The following TAMALIN variants were observed in gnomAD, a reference collection of about 807,000 sequenced individuals.
TAMALIN encodes the protein protein TAMALIN.
A neutral mutation model predicts 38.5 loss-of-function variants in TAMALIN; 9 were observed. The ratio of observed to expected loss-of-function variants is 0.23; its 90% confidence interval spans 0.14 to 0.41. The LOEUF is 0.41. Among genes scored for constraint, TAMALIN ranks in the 10% least tolerant of loss-of-function variants. TAMALIN has a pLI of 1.00. For missense variants in TAMALIN, 548 were observed against 554.1 expected, an observed-to-expected ratio of 0.99 and a Z score of 0.11; for synonymous variants, 306 against 256.5, an observed-to-expected ratio of 1.19 and a Z score of -1.85.
In TAMALIN at chr12:52,011,215, ATC is replaced by A; in HGVS notation, c.454+79_454+80del. ...TACTCCCAAGCAAAGGGGGTGAGCA[ATC>A]TCTCCTGAAATCAATTCCTCTTCCT... On this transcript the variant is annotated intron_variant, in intron 4 of 7. Transcript: ENST00000293662. The surrounding 1 kb of genome is among the most constrained non-coding windows in gnomAD (Gnocchi z 5.3). The A allele has an allele frequency of 1.3e-6, 2 of 1,598,168 alleles. No homozygotes were observed. The highest frequency in any genetic ancestry group is 1.7e-6 in the Non-Finnish European group (2 of 1,178,194).
chr12:52,007,771 A>G lies in TAMALIN; in HGVS notation c.246+506A>G, dbSNP rs555469436. 3.5e-4 allele frequency: 343 copies of G among 985,400 alleles called. No homozygotes were observed. In the African/African-American group the frequency reaches 5.6e-3, roughly 16 times the overall value. The allele number at this position is 985,400 out of a possible 1,614,324, so 61.0% of individuals were successfully genotyped here. ...CACACCCTTCCGAGGGGACTCCCCG[A>G]TTCCTGGGCTGGGGGCCTGCCGCCT... On this transcript the variant is annotated intron_variant, in intron 1 of 7. Coordinates refer to ENST00000293662, the MANE Select transcript of TAMALIN (RefSeq NM_181711.4). This position sits in a 1 kb window ranked among gnomAD's most constrained non-coding sequence, Gnocchi z 6.7.
rs1942422844 is a variant in TAMALIN, at chr12:52,007,048, A to C, written c.29A>C (p.Gln10Pro). ...ACCCTCCGCCGACTCAGGAAGCTGC[A>C]GCAGAAGGAGGAGGCGGCGGCCACC... MTLRRLRKLQQKEEAAATPD... is the reference protein window; with the variant it reads MTLRRLRKLPQKEEAAATPD... Residue 10 changes from glutamine to proline, a missense_variant, in exon 1 of 8, where the codon CAG (glutamine) becomes CCG (proline). This residue lies in a region of TAMALIN where 128 missense variants were observed against 117.9 expected (regional missense o/e 1.09). Transcript: ENST00000293662. The surrounding 1 kb of genome is among the most constrained non-coding windows in gnomAD (Gnocchi z 6.7). 1 of 1,450,486 alleles carries C rather than the reference A, an allele frequency of 6.9e-7. No homozygotes were observed. Among genetic ancestry groups the C allele is most frequent in the Non-Finnish European group, 9.0e-7 (1 of 1,109,596 alleles). 89.9% of individuals were successfully genotyped at this position (1,450,486 alleles called of 1,614,324 possible).
rs895098101 is a variant in TAMALIN at position 52,007,133 on chromosome 12, C to T, written c.114C>T (p.Thr38=). 6.7e-7 allele frequency: 1 copy of T among 1,486,936 alleles called. No individual in the cohort carries two copies. The highest frequency in any genetic ancestry group is 2.9e-5 in the East Asian group (1 of 34,186). 92.1% of individuals were successfully genotyped at this position (1,486,936 alleles called of 1,614,324 possible). A position where few individuals can be genotyped will look rare whatever the true frequency, so the allele number is the denominator to read the frequency against. ...SEVAPAAPVP[T]PGPPAAAATP... ...TCGCGCCCGCCGCTCCGGTCCCGAC[C>T]CCGGGACCCCCTGCCGCAGCCGCCA... The change falls in exon 1 of 8, where the codon ACC becomes ACT. Residue 38 remains threonine, a synonymous_variant. Transcript: ENST00000293662. The surrounding 1 kb of genome is among the most constrained non-coding windows in gnomAD (Gnocchi z 6.7).
chr12:52,011,164 C>G lies in TAMALIN; in HGVS notation c.454+23C>G, dbSNP rs775823793. ...CAGGTGGGGCCTGAGCCCAGGACAC[C>G]CAGGTCTGGGAAGGGGATATGACCT... On this transcript the variant is annotated intron_variant, in intron 4 of 7. Coordinates refer to ENST00000293662, the MANE Select transcript of TAMALIN (RefSeq NM_181711.4). The surrounding 1 kb of genome is among the most constrained non-coding windows in gnomAD (Gnocchi z 5.3). 4.4e-6 allele frequency: 7 copies of G among 1,608,876 alleles called. No individual in the cohort carries two copies. In the East Asian group the frequency reaches 6.7e-5, roughly 15 times the overall value.
chr12:52,014,628 G>C (rs1218526911), intron 7 of TAMALIN, 66 bp from the exon 8 acceptor site: 1 of 1,279,026 alleles, frequency 7.8e-7, no homozygotes, highest in Non-Finnish European at 1.0e-6. Flanking sequence ...CATGCCCTCC[G>C]ACCCTTTGCA....
rs1250259167 is a variant in TAMALIN at position 52,011,160 on chromosome 12, A to T, written c.454+19A>T. The T allele has an allele frequency of 1.2e-6, 2 of 1,609,720 alleles. No individual in the cohort carries two copies. Among genetic ancestry groups the T allele is most frequent in the Admixed American group, 1.7e-5 (1 of 60,028 alleles). Reference sequence around the variant, plus strand: ...ACACCAGGTGGGGCCTGAGCCCAGGACACCCAGGTCTGGGAAGGGGATATG... The same window carrying T: ...ACACCAGGTGGGGCCTGAGCCCAGGTCACCCAGGTCTGGGAAGGGGATATG... On this transcript the variant is annotated intron_variant, in intron 4 of 7. Transcript: ENST00000293662. This position sits in a 1 kb window ranked among gnomAD's most constrained non-coding sequence, Gnocchi z 5.3.
intron 7 of TAMALIN, 52 bp downstream of exon 7, chr12:52,014,253 AT>A (rs1196553477): frequency 7.0e-7 from 1 of 1,420,998 alleles, no homozygotes; most frequent in African/African-American, 1.4e-5. Context: ...CAGACACCCC[AT>A]CTGCGCTTCC....
At chr12:52,008,985 A>G (rs1437776049) in intron 1 of TAMALIN, among the ~76,000 whole-genome samples, 1 of 152,226 alleles carries the variant, frequency 6.6e-6, no homozygotes, top group Non-Finnish European at 1.5e-5. Context: ...AGTCCCAGGT[A>G]TGAAGGTAAG....
chr12:52,015,044 G>A lies in TAMALIN; in HGVS notation c.1033G>A (p.Gly345Arg), dbSNP rs1429042958. 9 of 1,354,148 alleles carry A rather than the reference G, an allele frequency of 6.6e-6. No homozygotes were observed. The highest frequency in any genetic ancestry group is 8.5e-6 in the Non-Finnish European group (9 of 1,059,926). 83.9% of individuals were successfully genotyped at this position (1,354,148 alleles called of 1,614,324 possible). The change falls in exon 8 of 8, where the codon GGG (glycine) becomes AGG (arginine). Residue 345 changes from glycine (G) to arginine (R), a missense_variant. By Grantham distance (125) the Gly-to-Arg change is moderately radical. Around this residue, in one of 3 missense-constraint regions of TAMALIN, gnomAD observed 415 missense variants for 417.0 expected, o/e 1.00. Coordinates refer to ENST00000293662, the MANE Select transcript of TAMALIN (RefSeq NM_181711.4). ...RCAGPGGGGG[G>R]GAPGALWTEA... is the part of the protein sequence containing the mutation. Reference sequence around the variant, plus strand: ...CGCGGGCCCTGGCGGGGGCGGAGGCGGGGGCGCGCCGGGCGCGCTCTGGAC... The same window carrying A: ...CGCGGGCCCTGGCGGGGGCGGAGGCAGGGGCGCGCCGGGCGCGCTCTGGAC...
At position 52,014,932 on chromosome 12, in the gene TAMALIN, CT is replaced by C; in HGVS notation, c.923del (p.Phe308SerfsTer21). On this transcript the variant is annotated frameshift_variant, in exon 8 of 8. Coordinates refer to ENST00000293662, the MANE Select transcript of TAMALIN (RefSeq NM_181711.4). LOFTEE classifies it high-confidence loss of function. ...LPPPPPPARAFGPGPAETPAV... is the reference protein window; with the variant it reads ...LPPPPPPARAXGPGPAETPAV... ...CGCCCCCGCCGCCCCCGGCCCGCGC[CT>C]TCGGCCCGGGCCCCGCCGAGACCCC... 2 of 1,032,856 alleles carry C rather than the reference CT, an allele frequency of 1.9e-6. No individual in the cohort carries two copies. Among genetic ancestry groups the C allele is most frequent in the Non-Finnish European group, 2.3e-6 (2 of 861,310 alleles). The allele number at this position is 1,032,856 out of a possible 1,614,324, so 64.0% of individuals were successfully genotyped here. A position where few individuals can be genotyped will look rare whatever the true frequency, so the allele number is the denominator to read the frequency against.
chr12:52,011,001 T>A lies in TAMALIN; in HGVS notation c.352-38T>A, dbSNP rs757687784. The A allele has an allele frequency of 1.2e-6, 2 of 1,613,884 alleles. No individual in the cohort carries two copies. Among genetic ancestry groups the A allele is most frequent in the South Asian group, 2.2e-5 (2 of 91,076 alleles). Reference sequence around the variant, plus strand: ...CCAGCCTGAGGGATGAACGGACTTGTCCCAACCCTGGGCTGAGGGTCCCCT... The same window carrying A: ...CCAGCCTGAGGGATGAACGGACTTGACCCAACCCTGGGCTGAGGGTCCCCT... On this transcript the variant is annotated intron_variant, in intron 3 of 7. Coordinates refer to ENST00000293662, the MANE Select transcript of TAMALIN (RefSeq NM_181711.4). The surrounding 1 kb of genome is among the most constrained non-coding windows in gnomAD (Gnocchi z 5.3).
chr12:52,008,351 C>T (rs1942448146), intron 1 of TAMALIN: 1 of 985,152 alleles, frequency 1.0e-6, no homozygotes, highest in South Asian at 4.7e-5. Context: ...TGAGAGACTA[C>T]TTTAGTTTAT....
Position 52,007,065 on chromosome 12 carries a change from G to A in TAMALIN, c.46G>A (p.Ala16Thr), listed in dbSNP as rs1942423254. The A allele has an allele frequency of 1.4e-6, 2 of 1,460,036 alleles. No individual in the cohort carries two copies. The highest frequency in any genetic ancestry group is 1.5e-5 in the African/African-American group (1 of 67,730). The allele number at this position is 1,460,036 out of a possible 1,614,324, so 90.4% of individuals were successfully genotyped here. A position where few individuals can be genotyped will look rare whatever the true frequency, so the allele number is the denominator to read the frequency against. The change falls in exon 1 of 8, where the codon GCG becomes ACG. Residue 16 changes from alanine (A) to threonine (T), a missense_variant. Physicochemically the swap from Ala to Thr is moderately conservative, Grantham distance 58 (BLOSUM62 0). Coordinates refer to ENST00000293662, the MANE Select transcript of TAMALIN (RefSeq NM_181711.4). The surrounding 1 kb of genome is among the most constrained non-coding windows in gnomAD (Gnocchi z 6.7). ...LRKLQQKEEAAATPDPAARTP... is the reference protein window; with the variant it reads ...LRKLQQKEEATATPDPAARTP... Reference sequence around the variant, plus strand: ...GAAGCTGCAGCAGAAGGAGGAGGCGGCGGCCACCCCGGACCCCGCCGCCCG... The same window carrying A: ...GAAGCTGCAGCAGAAGGAGGAGGCGACGGCCACCCCGGACCCCGCCGCCCG...
At chr12:52,008,276 A>G (rs903727759) in intron 1 of TAMALIN, 4 of 985,232 alleles carry the variant, frequency 4.1e-6, no homozygotes, top group Non-Finnish European at 4.8e-6. Context: ...TGGGCTGTGC[A>G]GGCTCCAAAG....
In TAMALIN at chr12:52,011,401, C is replaced by T; in HGVS notation, c.454+260C>T. The stretch of plus-strand genomic sequence containing the variant: ...CAGTGCGGCAAGGGGATTCCCTGGG[C>T]ACACTGCCAGGGCCTAATTAATGGT... On this transcript the variant is annotated intron_variant, in intron 4 of 7. Transcript: ENST00000293662. The surrounding 1 kb of genome is among the most constrained non-coding windows in gnomAD (Gnocchi z 5.3). The T allele has an allele frequency of 3.3e-6, 2 of 612,088 alleles. No homozygotes were observed. The highest frequency in any genetic ancestry group is 3.9e-5 in the South Asian group (2 of 51,448). 37.9% of individuals were successfully genotyped at this position (612,088 alleles called of 1,614,324 possible).
intron 4 of TAMALIN, among the ~76,000 whole-genome samples, chr12:52,012,069 G>A (rs1937664972): frequency 6.6e-6 from 1 of 152,192 alleles, no homozygotes; most frequent in African/African-American, 2.4e-5. Flanking sequence ...CTGACATGAT[G>A]GATGGCATCT....
Position 52,012,118 on chromosome 12 carries a change from C to T in TAMALIN, c.454+977C>T, listed in dbSNP as rs905369025. Among the ~76,000 whole-genome samples the T allele has an allele frequency of 5.3e-5, 8 of 152,146 alleles. No individual in the cohort carries two copies. The East Asian group carries it at 5.8e-4, about 11-fold the overall frequency. ...CCTGCAAGAGTGGTGAGTAGGCACA[C>T]GCAAAAGAGACAAAACATGGGTGAT... On this transcript the variant is annotated intron_variant, in intron 4 of 7. Coordinates refer to ENST00000293662, the MANE Select transcript of TAMALIN (RefSeq NM_181711.4).
In TAMALIN at chr12:52,013,769, C is replaced by T; in HGVS notation, c.537C>T (p.Gly179=). ...TTGTGGACATCATTAAGGCGTCAGG[C>T]AATGTTCTCAGGTATGTCTGGGAGC... ...REIVDIIKAS[G]NVLRLETLYG... The change falls in exon 5 of 8, where the codon GGC becomes GGT. Residue 179 remains glycine (G), a synonymous_variant. Coordinates refer to ENST00000293662, the MANE Select transcript of TAMALIN (RefSeq NM_181711.4). 1 of 1,614,104 alleles carries T rather than the reference C, an allele frequency of 6.2e-7. No individual in the cohort carries two copies. The highest frequency in any genetic ancestry group is 8.5e-7 in the Non-Finnish European group (1 of 1,179,944).
chr12:52,010,040 C>T (rs1942476209), intron 2 of TAMALIN, among the ~76,000 whole-genome samples: 2 of 152,170 alleles, frequency 1.3e-5, no homozygotes, highest in African/African-American at 4.8e-5. Context: ...AGACGCGGAA[C>T]TCCCAGCCAC....
Sources: gnomAD v4.1 joint callset for allele counts (sites outside exome capture counted in the v4.1 genomes callset) on GRCh38, gnomAD v4.1.1 for gene constraint, gnomAD v4.1.1 regional missense constraint, Gnocchi (gnomAD v3.1) non-coding constraint, MANE v1.5 for transcripts, NCBI Gene and HGNC (gene_info 2026-07-23, HGNC 2026-07-21) for gene names.